SLC16A10: variants seen among roughly 807,000 people sequenced by gnomAD.
SLC16A10 encodes the protein monocarboxylate transporter 10.
SLC16A10 carries 27 observed loss-of-function variants against 40.0 expected under a neutral mutation model. The observed-to-expected ratio is 0.67, with a 90% CI of 0.50 to 0.93. SLC16A10 has a LOEUF of 0.93. Ranked by LOEUF, SLC16A10 falls within the 40% of genes least tolerant of loss-of-function variation. The pLI, the probability that SLC16A10 is intolerant of heterozygous loss-of-function variation, is 0.00. For missense variants in SLC16A10, 529 were observed against 658.2 expected (o/e 0.80, Z 2.15); for synonymous variants, 213 against 249.8 (o/e 0.85, Z 1.39).
rs548809670 is a variant in SLC16A10, at chr6:111,159,067, C to CAAAAA, written c.344-13603_344-13599dup. ...TAGGTGGCAAAGCAAGACCCTGACT[C>CAAAAA]AAAAAAAAAAAAAAAAAAAAAAAAA... On this transcript the variant is annotated intron_variant, in intron 1 of 5. Transcript: ENST00000368851. Among the ~76,000 whole-genome samples, 161 of 23,390 alleles carry CAAAAA rather than the reference C, an allele frequency of 6.9e-3. 12 individuals are homozygous for CAAAAA. Among genetic ancestry groups the CAAAAA allele is most frequent in the African/African-American group, 9.3e-3 (62 of 6,692 alleles). The allele number at this position is 23,390 out of a possible 152,430, so 15.3% of individuals were successfully genotyped here.
intron 4 of SLC16A10, among the ~76,000 whole-genome samples, chr6:111,207,284 TG>T (rs1773271228): frequency 9.2e-5 from 14 of 152,242 alleles, no homozygotes. Flanking sequence ...GCTTTTTCTA[TG>T]AAGAATGTTT....
At chr6:111,102,964 T>C (rs914241018) in intron 1 of SLC16A10, among the ~76,000 whole-genome samples, 2 of 152,192 alleles carry the variant, frequency 1.3e-5, no homozygotes, top group African/African-American at 4.8e-5. Flanking sequence ...TACATACGGT[T>C]GCACGCTCAT....
At chr6:111,161,222 CAA>C (rs57463212) in intron 1 of SLC16A10, among the ~76,000 whole-genome samples, 6 of 42,426 alleles carry the variant, frequency 1.4e-4, no homozygotes, top group Admixed American at 3.8e-4. Context: ...GACAGTGTCT[CAA>C]AAAAAAAAAA....
intron 1 of SLC16A10, among the ~76,000 whole-genome samples, chr6:111,169,107 G>A (rs1329154733): frequency 2.6e-5 from 4 of 152,152 alleles, no homozygotes; most frequent in African/African-American, 9.7e-5. Context: ...CTGGCTTACT[G>A]TTCCCACAGA....
At chr6:111,178,509 A>G (rs1562423553) in intron 3 of SLC16A10, 21 of 510,638 alleles carry the variant, frequency 4.1e-5, no homozygotes, top group Non-Finnish European at 7.1e-5. Flanking sequence ...GCAGGAGTTC[A>G]AGACCAGCGT....
intron 1 of SLC16A10, among the ~76,000 whole-genome samples, chr6:111,169,548 A>G (rs963540177): frequency 6.6e-6 from 1 of 152,230 alleles, no homozygotes; most frequent in African/African-American, 2.4e-5. Context: ...GTTGGTGTAA[A>G]GTCGTGGAAG....
intron 1 of SLC16A10, among the ~76,000 whole-genome samples, chr6:111,128,444 TA>T (rs1771715886): frequency 3.3e-5 from 5 of 152,310 alleles, no homozygotes; most frequent in Admixed American, 3.3e-4. Context: ...AATGATTACT[TA>T]TTGATTATTT....
intron 1 of SLC16A10, among the ~76,000 whole-genome samples, chr6:111,132,386 C>T (rs528893875): frequency 1.5e-4 from 23 of 152,358 alleles, no homozygotes; most frequent in African/African-American, 5.1e-4. Context: ...TCCAATACCA[C>T]TTTATTGTCA....
chr6:111,182,092 G>A (rs911697550), intron 3 of SLC16A10, among the ~76,000 whole-genome samples: 14 of 151,358 alleles, frequency 9.2e-5, no homozygotes, highest in Non-Finnish European at 1.6e-4. Context: ...TCCACTTCCC[G>A]GATTCAAGTG....
intron 1 of SLC16A10, among the ~76,000 whole-genome samples, chr6:111,094,928 A>G (rs1363613756): frequency 3.9e-5 from 6 of 152,192 alleles, no homozygotes; most frequent in Non-Finnish European, 8.8e-5. Flanking sequence ...GGCGGGACCT[A>G]CTGTGCCTGG....
Position 111,118,345 on chromosome 6 carries a change from CCT to C in SLC16A10, c.343+30253_343+30254del, listed in dbSNP as rs1404839244. Among the ~76,000 whole-genome samples the C allele has an allele frequency of 2.6e-3, 392 of 152,262 alleles. 2 individuals carry two copies. The highest frequency in any genetic ancestry group is 8.9e-3 in the African/African-American group (371 of 41,562). ...TTCTGAAAGTTATAGTAGTTTTAAA[CCT>C]CTTTTTATTCATTCCCTCCAGTTCT... On this transcript the variant is annotated intron_variant, in intron 1 of 5. Transcript: ENST00000368851.
rs552466287 is a variant in SLC16A10, at chr6:111,155,049, A to G, written c.344-17646A>G. Among the ~76,000 whole-genome samples, 19 of 150,386 alleles carry G rather than the reference A, an allele frequency of 1.3e-4. No individual in the cohort carries two copies. The South Asian group carries it at 3.6e-3, about 28-fold the overall frequency. On this transcript the variant is annotated intron_variant, in intron 1 of 5. Coordinates refer to ENST00000368851, the MANE Select transcript of SLC16A10 (RefSeq NM_018593.5). ...AAAAAAAAAAAAAAAAAAAAAGACA[A>G]TTCTGAAAGTGGTGAGTCGTTCTAC...
chr6:111,186,304 T>C (rs1200615322), intron 3 of SLC16A10, among the ~76,000 whole-genome samples: 1 of 152,236 alleles, frequency 6.6e-6, no homozygotes, highest in Non-Finnish European at 1.5e-5. Context: ...ATATGGACAT[T>C]GGCATGTCTC....
At chr6:111,116,129 C>T (rs527673228) in intron 1 of SLC16A10, among the ~76,000 whole-genome samples, 2 of 152,110 alleles carry the variant, frequency 1.3e-5, no homozygotes, top group East Asian at 3.9e-4. Context: ...CCTAGCATCT[C>T]GCGTAATGAC....
chr6:111,102,817 A>G (rs1771212484), intron 1 of SLC16A10, among the ~76,000 whole-genome samples: 1 of 152,216 alleles, frequency 6.6e-6, no homozygotes, highest in African/African-American at 2.4e-5. Flanking sequence ...ATCACCTTGC[A>G]TCAACCTCTG....
At chr6:111,175,374 G>T (rs1326595400) in intron 2 of SLC16A10, among the ~76,000 whole-genome samples, 1 of 152,102 alleles carries the variant, frequency 6.6e-6, no homozygotes, top group East Asian at 1.9e-4. Context: ...GAAGCTCTGT[G>T]GTTTTCCAAC....
chr6:111,102,898 GTATT>G (rs1166485970), intron 1 of SLC16A10, among the ~76,000 whole-genome samples: 2 of 152,034 alleles, frequency 1.3e-5, no homozygotes, highest in East Asian at 1.9e-4. Flanking sequence ...TTGTTTGCAT[GTATT>G]TATTTAGTTA....
chr6:111,230,458 C>A lies in SLC16A10; in HGVS notation c.*8223C>A, dbSNP rs1771093988. ...TCTGGTAACTAATGATAACACTTTT[C>A]TACGTTAACATGAGTTATATTTGGC... is the stretch of plus-strand genomic sequence containing the variant. On this transcript the variant is annotated 3_prime_UTR_variant, in exon 6 of 6. Coordinates refer to ENST00000368851, the MANE Select transcript of SLC16A10 (RefSeq NM_018593.5). The A allele has an allele frequency of 6.6e-6, 1 of 152,192 alleles. No individual in the cohort carries two copies. The highest frequency in any genetic ancestry group is 1.5e-5 in the Non-Finnish European group (1 of 68,034). The allele number at this position is 152,192 out of a possible 1,614,324, so 9.4% of individuals were successfully genotyped here.
rs2114414666 is a variant in SLC16A10, at chr6:111,087,606, C to A, written c.-147C>A. 2.9e-6 allele frequency: 1 copy of A among 343,544 alleles called. No homozygotes were observed. The highest frequency in any genetic ancestry group is 4.8e-6 in the Non-Finnish European group (1 of 207,430). 21.3% of individuals were successfully genotyped at this position (343,544 alleles called of 1,614,324 possible). On this transcript the variant is annotated 5_prime_UTR_variant, in exon 1 of 6. Transcript: ENST00000368851. ...GCCGCCTGCGCGCTGGCCGCCTGCGCGCTGCCAGCCCGCCCGCCCGCCAGG... is the reference window on the plus strand; with the variant it reads ...GCCGCCTGCGCGCTGGCCGCCTGCGAGCTGCCAGCCCGCCCGCCCGCCAGG...
Sources: allele counts gnomAD v4.1 joint callset (sites outside exome capture counted in the v4.1 genomes callset), GRCh38; gene constraint gnomAD v4.1.1; transcripts MANE v1.5; gene names NCBI Gene and HGNC (gene_info 2026-07-23, HGNC 2026-07-21).